Variants in CSMD3 observed in about 807,000 individuals in gnomAD.
The protein encoded by CSMD3 is CUB and Sushi multiple domains 3.
Under a neutral mutation model 435.2 loss-of-function variants are expected in CSMD3, and 177 were observed. That is an observed-to-expected ratio of 0.41 (90% CI 0.36 to 0.46). The LOEUF (loss-of-function observed/expected upper bound fraction) is 0.46, where lower values mean the gene tolerates loss of function less well. Ranked by LOEUF, CSMD3 falls within the 20% of genes least tolerant of loss-of-function variation. The probability of loss-of-function intolerance (pLI) is 0.34; values close to 1 mark genes in which losing one functional copy is unlikely to be tolerated. For synonymous variants in CSMD3, 1,656 were observed against 1,520.5 expected (o/e 1.09, Z -2.07); for missense variants, 4,265 against 4,504.6 (o/e 0.95, Z 1.52).
chr8:113,187,148 TTTC>T (rs547503245), intron 3 of CSMD3, among the ~76,000 whole-genome samples: 44 of 151,528 alleles, frequency 2.9e-4, no homozygotes, highest in Middle Eastern at 3.4e-3. Context: ...AGTTTTTTTT[TTTC>T]TTCTTCTTCT....
intron 10 of CSMD3, among the ~76,000 whole-genome samples, chr8:112,897,596 A>G (rs2081983361): frequency 6.6e-6 from 1 of 151,260 alleles, no homozygotes; most frequent in Non-Finnish European, 1.5e-5. Context: ...TAACCTAAGT[A>G]TCAACAGGTT....
chr8:112,470,543 G>A (rs549121522), intron 32 of CSMD3, among the ~76,000 whole-genome samples: 2 of 152,150 alleles, frequency 1.3e-5, no homozygotes, highest in East Asian at 1.9e-4. Flanking sequence ...GTTAAGTTGA[G>A]CCTGAACCCA....
rs545260640 is a variant in CSMD3, at chr8:112,681,863, T to G, written c.2677+579A>C. Among the ~76,000 whole-genome samples, 12 of 152,162 alleles carry G rather than the reference T, an allele frequency of 7.9e-5. No homozygotes were observed. In the South Asian group the frequency reaches 2.5e-3, roughly 32 times the overall value. On this transcript the variant is annotated intron_variant, in intron 16 of 70. Coordinates refer to ENST00000297405, the MANE Select transcript of CSMD3 (RefSeq NM_198123.2). The stretch of plus-strand genomic sequence containing the variant: ...GTCTGGGCAACAGAGTGAGAATCGG[T>G]TTAAAAATAATAATAATTCCAAAGA...
intron 10 of CSMD3, among the ~76,000 whole-genome samples, chr8:112,859,549 A>T (rs2080764530): frequency 6.6e-6 from 1 of 151,852 alleles, no homozygotes; most frequent in African/African-American, 2.4e-5. Flanking sequence ...GTTTAATTAG[A>T]GAAAGGTATA....
chr8:112,995,766 C>T (rs1389905504), intron 6 of CSMD3, among the ~76,000 whole-genome samples: 1 of 151,384 alleles, frequency 6.6e-6, no homozygotes, highest in East Asian at 1.9e-4. Flanking sequence ...ATGATTTAAC[C>T]TGCAAAATGC....
chr8:113,094,865 A>C (rs2090116244), intron 5 of CSMD3, among the ~76,000 whole-genome samples: 2 of 151,880 alleles, frequency 1.3e-5, no homozygotes, highest in African/African-American at 4.8e-5. Flanking sequence ...AGGTCAGGAG[A>C]TGGAGACCAC....
At chr8:112,477,593 G>T (rs1009307164) in intron 31 of CSMD3, among the ~76,000 whole-genome samples, 1 of 151,800 alleles carries the variant, frequency 6.6e-6, no homozygotes. Context: ...GTCATTTAAA[G>T]GTATATGGCA....
chr8:112,418,099 C>A lies in CSMD3; in HGVS notation c.5396-9067G>T, dbSNP rs148635240. 1.2e-3 allele frequency among the ~76,000 whole-genome samples: 190 copies of A among 152,158 alleles called. 1 individual carries two copies. Among genetic ancestry groups the A allele is most frequent in the African/African-American group, 4.5e-3 (187 of 41,528 alleles). ...CACAGATGAAAATGCACATGTGCAT[C>A]CACAGTACTGACAGAACAGAAATAA... is the stretch of plus-strand genomic sequence containing the variant. On this transcript the variant is annotated intron_variant, in intron 32 of 70. Coordinates refer to ENST00000297405, the MANE Select transcript of CSMD3 (RefSeq NM_198123.2).
chr8:113,130,930 T>C (rs981094224), intron 4 of CSMD3, among the ~76,000 whole-genome samples: 9 of 152,162 alleles, frequency 5.9e-5, no homozygotes, highest in African/African-American at 2.2e-4. Context: ...ACAGGCAGCA[T>C]ATTGCCTCTG....
intron 32 of CSMD3, among the ~76,000 whole-genome samples, chr8:112,466,734 T>C (rs1251654484): frequency 6.6e-6 from 1 of 152,184 alleles, no homozygotes; most frequent in Non-Finnish European, 1.5e-5. Context: ...ATGTGAAAGA[T>C]GTGATATTGC....
intron 40 of CSMD3, among the ~76,000 whole-genome samples, chr8:112,349,054 A>G (rs1586841481): frequency 6.6e-6 from 1 of 152,060 alleles, no homozygotes; most frequent in Non-Finnish European, 1.5e-5. Flanking sequence ...TGACATAATT[A>G]ATCTATTTAA....
At chr8:112,568,438 C>G (rs1829237445) in intron 24 of CSMD3, among the ~76,000 whole-genome samples, 1 of 151,046 alleles carries the variant, frequency 6.6e-6, no homozygotes, top group Non-Finnish European at 1.5e-5. Context: ...ATTAAAAATA[C>G]AAAAAAATTA....
chr8:112,438,081 A>C (rs966573920), intron 32 of CSMD3, among the ~76,000 whole-genome samples: 2 of 152,338 alleles, frequency 1.3e-5, no homozygotes, highest in East Asian at 3.9e-4. Flanking sequence ...CCAAGCAATT[A>C]CCAGGACCAA....
rs368509089 is a variant in CSMD3, at chr8:112,567,514, C to T, written c.4042+5987G>A. Among the ~76,000 whole-genome samples the T allele has an allele frequency of 8.6e-5, 13 of 152,044 alleles. No homozygotes were observed. In the South Asian group the frequency reaches 1.5e-3, roughly 17 times the overall value. On this transcript the variant is annotated intron_variant, in intron 24 of 70. Coordinates refer to ENST00000297405, the MANE Select transcript of CSMD3 (RefSeq NM_198123.2). ...CACTGGGAAAAGACAAAATTTAAGC[C>T]TATGACCAGATTAATAATTTCAATA...
intron 38 of CSMD3, among the ~76,000 whole-genome samples, chr8:112,365,709 C>T (rs543724632): frequency 1.6e-4 from 24 of 152,014 alleles, no homozygotes; most frequent in East Asian, 1.9e-4. Flanking sequence ...ATGGGAACAA[C>T]GCACCCAAAC....
chr8:112,942,393 C>T (rs2083478390), intron 9 of CSMD3, among the ~76,000 whole-genome samples: 2 of 151,644 alleles, frequency 1.3e-5, no homozygotes. Flanking sequence ...AATTGTTCTA[C>T]CATAAAGGCA....
At chr8:113,109,734 T>C (rs905838841) in intron 4 of CSMD3, among the ~76,000 whole-genome samples, 3 of 152,132 alleles carry the variant, frequency 2.0e-5, no homozygotes, top group Admixed American at 2.0e-4. Flanking sequence ...AGTCTACTGG[T>C]CTGGATTCTC....
chr8:113,310,952 C>T (rs191780287), intron 2 of CSMD3: 1 of 151,816 alleles, frequency 6.6e-6, no homozygotes, highest in Admixed American at 6.6e-5. Context: ...TTAACAAATT[C>T]AATAAATTAA....
intron 2 of CSMD3, among the ~76,000 whole-genome samples, chr8:113,300,724 T>TACTCAAC (rs1223592486): frequency 6.6e-6 from 1 of 152,028 alleles, no homozygotes; most frequent in Non-Finnish European, 1.5e-5. Context: ...GCTGAAAAAC[T>TACTCAAC]ACCTATAAGT....
Sources: allele counts gnomAD v4.1 joint callset (sites outside exome capture counted in the v4.1 genomes callset), GRCh38; gene constraint gnomAD v4.1.1; transcripts MANE v1.5; gene names NCBI Gene and HGNC (gene_info 2026-07-23, HGNC 2026-07-21).